STAT5B: variants seen among roughly 807,000 people sequenced by gnomAD.
STAT5B encodes transcription factor STAT5B.
STAT5B carries 21 observed loss-of-function variants against 107.8 expected under a neutral mutation model. The observed-to-expected ratio is 0.19, with a 90% confidence interval of 0.14 to 0.28. The LOEUF is 0.28. Ranked by LOEUF, STAT5B falls within the 10% of genes least tolerant of loss-of-function variation. The probability of loss-of-function intolerance (pLI) is 1.00; values close to 1 mark genes in which losing one functional copy is unlikely to be tolerated. For synonymous variants in STAT5B, 325 were observed against 401.7 expected (o/e 0.81, Z 2.28); for missense variants, 565 against 1,008.2 (o/e 0.56, Z 5.95).
chr17:42,283,397 G>GA, the STAT5B span, among the ~76,000 whole-genome samples: 1 of 152,202 alleles, frequency 6.6e-6, no homozygotes, highest in Admixed American at 6.5e-5. Flanking sequence ...TGGGAAATGT[G>GA]AACCTGGCAC....
chr17:42,200,777 A>G lies in STAT5B; in HGVS notation c.*961T>C, dbSNP rs2080037417. ...CCATGATTCAACATTTGCAAAAAGC[A>G]TCATCAATAAGCCTGAAGAAGGCCA... On this transcript the variant is annotated 3_prime_UTR_variant, in exon 19 of 19. Transcript: ENST00000293328. The G allele has an allele frequency of 6.6e-6, 2 of 301,604 alleles. No homozygotes were observed. Among genetic ancestry groups the G allele is most frequent in the African/African-American group, 4.3e-5 (2 of 46,762 alleles). The allele number at this position is 301,604 out of a possible 1,614,324, so 18.7% of individuals were successfully genotyped here. A position where few individuals can be genotyped will look rare whatever the true frequency, so the allele number is the denominator to read the frequency against.
intron 1 of STAT5B, among the ~76,000 whole-genome samples, chr17:42,261,542 T>C (rs973286689): frequency 2.0e-5 from 3 of 152,066 alleles, no homozygotes; most frequent in African/African-American, 4.8e-5. Flanking sequence ...CAAGTTAAGA[T>C]AGATTTTTTA....
intron 11 of STAT5B, among the ~76,000 whole-genome samples, chr17:42,216,759 C>T (rs544961133): frequency 4.0e-5 from 6 of 151,284 alleles, no homozygotes; most frequent in South Asian, 2.1e-4. Context: ...GGCACAATCT[C>T]GGTTCATTAC....
At chr17:42,232,248 T>C (rs1212793463) in intron 1 of STAT5B, 111 bp from the exon 2 acceptor site, 1 of 1,087,508 alleles carries the variant, frequency 9.2e-7, no homozygotes, top group African/African-American at 1.7e-5. Flanking sequence ...TTTTATTATT[T>C]ATTTTTATTT....
intron 1 of STAT5B, among the ~76,000 whole-genome samples, chr17:42,260,880 A>T (rs888713807): frequency 4.0e-5 from 6 of 151,756 alleles, no homozygotes; most frequent in Non-Finnish European, 5.9e-5. Flanking sequence ...CATACTGTAC[A>T]CAATTATTGC....
chr17:42,264,243 C>T (rs2080646755), intron 1 of STAT5B, among the ~76,000 whole-genome samples: 1 of 151,410 alleles, frequency 6.6e-6, no homozygotes, highest in African/African-American at 2.4e-5. Context: ...TTTTAGGGTA[C>T]ATGTGCACAT....
At chr17:42,287,337 C>CCACCG in the STAT5B span, among the ~76,000 whole-genome samples, 1 of 151,036 alleles carries the variant, frequency 6.6e-6, no homozygotes, top group African/African-American at 2.5e-5. Context: ...TGCACCCCCC[C>CCACCG]CAACAGAACA....
intron 15 of STAT5B, 152 bp from the exon 16 acceptor site, chr17:42,207,880 CTT>C: frequency 1.2e-6 from 1 of 823,264 alleles, no homozygotes. Context: ...AGATGAAATA[CTT>C]TTATTTATTT....
chr17:42,210,681 A>G, intron 13 of STAT5B, 184 bp from the exon 14 acceptor site: 1 of 640,926 alleles, frequency 1.6e-6, no homozygotes, highest in Non-Finnish European at 2.8e-6. Context: ...GAAGAAGGGG[A>G]AAATACCAAA....
intron 9 of STAT5B, 158 bp downstream of exon 9, chr17:42,217,990 GCCA>G: frequency 7.9e-7 from 1 of 1,259,772 alleles, no homozygotes; most frequent in Non-Finnish European, 1.1e-6. Context: ...ACAGGTGTGA[GCCA>G]CCACACCAGG....
In STAT5B at chr17:42,248,273, CAAAAAA is replaced by C. The variant is rs61401221; in HGVS notation, c.-10-16142_-10-16137del. ...CTGGGTGACATTGTAAGATCTTGTC[CAAAAAA>C]AAAAAAAAAAAAAAAAATCTTATTC... On this transcript the variant is annotated intron_variant, in intron 1 of 18. Coordinates refer to ENST00000293328, the MANE Select transcript of STAT5B (RefSeq NM_012448.4). Among the ~76,000 whole-genome samples the C allele has an allele frequency of 2.3e-4, 16 of 69,186 alleles. 1 individual carries two copies. Among genetic ancestry groups the C allele is most frequent in the Middle Eastern group, 7.8e-3 (1 of 128 alleles). The allele number at this position is 69,186 out of a possible 152,430, so 45.4% of individuals were successfully genotyped here. A position where few individuals can be genotyped will look rare whatever the true frequency, so the allele number is the denominator to read the frequency against.
At chr17:42,218,997 C>T in intron 7 of STAT5B, 119 bp from the exon 8 acceptor site, 3 of 937,862 alleles carry the variant, frequency 3.2e-6, no homozygotes, top group Non-Finnish European at 4.8e-6. Flanking sequence ...ACTTCCCACC[C>T]ATGGGAAGAG....
chr17:42,274,241 G>A (rs1013132643), intron 1 of STAT5B, among the ~76,000 whole-genome samples: 4 of 130,168 alleles, frequency 3.1e-5, no homozygotes, highest in African/African-American at 1.2e-4. Context: ...CAAACTACTG[G>A]TGATAGAAAT....
chr17:42,214,157 A>G, intron 12 of STAT5B: 2 of 971,120 alleles, frequency 2.1e-6, no homozygotes, highest in Non-Finnish European at 2.4e-6. Flanking sequence ...AAATTAAAAA[A>G]AAAAAAATAG....
intron 1 of STAT5B, among the ~76,000 whole-genome samples, chr17:42,249,749 C>T (rs2080482388): frequency 6.6e-6 from 1 of 152,168 alleles, no homozygotes; most frequent in Non-Finnish European, 1.5e-5. Flanking sequence ...CAACCTCTGC[C>T]TCCCAGGCTC....
chr17:42,234,173 A>C (rs2080339532), intron 1 of STAT5B: 1 of 152,214 alleles, frequency 6.6e-6, no homozygotes, highest in African/African-American at 2.4e-5. Flanking sequence ...AGGAAATAAA[A>C]ATCTCTTCTG....
the STAT5B span, among the ~76,000 whole-genome samples, chr17:42,286,607 AC>A: frequency 5.3e-5 from 8 of 152,188 alleles, no homozygotes; most frequent in African/African-American, 1.4e-4. Flanking sequence ...AGCAGGCAGG[AC>A]CCCCTCTCTT....
At chr17:42,224,562 G>C (rs1029481639) in intron 4 of STAT5B, among the ~76,000 whole-genome samples, 1 of 151,802 alleles carries the variant, frequency 6.6e-6, no homozygotes, top group Non-Finnish European at 1.5e-5. Context: ...GGGTGCTCTC[G>C]AACTCCTGGG....
intron 4 of STAT5B, 34 bp from the exon 5 acceptor site, chr17:42,223,590 C>T (rs182056711): frequency 8.1e-6 from 13 of 1,609,874 alleles, no homozygotes; most frequent in Admixed American, 1.7e-5. Context: ...CAAGGCAGTG[C>T]GAATGGGAGG....
Sources: gnomAD v4.1 joint callset for allele counts (sites outside exome capture counted in the v4.1 genomes callset) on GRCh38, gnomAD v4.1.1 for gene constraint, MANE v1.5 for transcripts, NCBI Gene and HGNC (gene_info 2026-07-23, HGNC 2026-07-21) for gene names.